KDM4C: variants seen among roughly 807,000 people sequenced by gnomAD.
KDM4C encodes lysine demethylase 4C, also known as lysine-specific demethylase 4C.
A neutral mutation model predicts 129.3 loss-of-function variants in KDM4C; 81 were observed. That is an observed-to-expected ratio of 0.63 (90% CI 0.52 to 0.75). KDM4C has a LOEUF of 0.75. Ranked by LOEUF, KDM4C falls within the 30% of genes least tolerant of loss-of-function variation. The probability of loss-of-function intolerance (pLI) is 0.00; values close to 1 mark genes in which losing one functional copy is unlikely to be tolerated. For synonymous variants in KDM4C, 573 were observed against 456.1 expected, an observed-to-expected ratio of 1.26 and a Z score of -3.26; for missense variants, 1,457 against 1,304.0, an observed-to-expected ratio of 1.12 and a Z score of -1.81.
intron 8 of KDM4C, among the ~76,000 whole-genome samples, chr9:6,946,369 T>C (rs952964287): frequency 6.6e-6 from 1 of 152,178 alleles, no homozygotes; most frequent in African/African-American, 2.4e-5. Flanking sequence ...CTACCTATTA[T>C]TGATCTCCTC....
chr9:7,108,915 A>G (rs1203522564), intron 18 of KDM4C, among the ~76,000 whole-genome samples: 8 of 152,214 alleles, frequency 5.3e-5, no homozygotes, highest in Admixed American at 5.2e-4. Flanking sequence ...AAAAAATAAG[A>G]ATCAGTACAC....
chr9:6,816,397 T>G (rs771909381), intron 4 of KDM4C, among the ~76,000 whole-genome samples: 4 of 152,144 alleles, frequency 2.6e-5, no homozygotes, highest in African/African-American at 4.8e-5. Flanking sequence ...TATTACCTAC[T>G]ATAGGCTCCC....
At chr9:7,139,836 G>C (rs1410152591) in intron 19 of KDM4C, among the ~76,000 whole-genome samples, 1 of 152,180 alleles carries the variant, frequency 6.6e-6, no homozygotes, top group Non-Finnish European at 1.5e-5. Context: ...AATTCTTGCT[G>C]CCTCAGAAGA....
chr9:6,745,291 T>C (rs1817837748), intron 1 of KDM4C, among the ~76,000 whole-genome samples: 1 of 152,064 alleles, frequency 6.6e-6, no homozygotes, highest in South Asian at 2.1e-4. Flanking sequence ...CAGTATTTGT[T>C]ATATTTTAAA....
chr9:6,783,230 C>T (rs967712826), intron 1 of KDM4C, among the ~76,000 whole-genome samples: 2 of 152,142 alleles, frequency 1.3e-5, no homozygotes, highest in African/African-American at 4.8e-5. Context: ...TTGTTCTTTC[C>T]TGCACTTGTA....
chr9:7,156,836 G>T (rs1262350208), intron 19 of KDM4C, among the ~76,000 whole-genome samples: 3 of 150,672 alleles, frequency 2.0e-5, no homozygotes, highest in Non-Finnish European at 4.5e-5. Context: ...GGCAATGTGG[G>T]TTCTTTTTTG....
chr9:6,973,743 C>T (rs909730979), intron 8 of KDM4C: 5 of 152,140 alleles, frequency 3.3e-5, no homozygotes, highest in African/African-American at 9.7e-5. Flanking sequence ...ATTTGTTAAT[C>T]AATCCTCATC....
chr9:7,055,201 T>G (rs567793638), intron 17 of KDM4C, among the ~76,000 whole-genome samples: 1 of 152,266 alleles, frequency 6.6e-6, no homozygotes, highest in South Asian at 2.1e-4. Context: ...CACAAAAAAT[T>G]TGGCATTGTT....
At chr9:6,736,388 G>A (rs536021406) in intron 1 of KDM4C, among the ~76,000 whole-genome samples, 1 of 152,140 alleles carries the variant, frequency 6.6e-6, no homozygotes, top group South Asian at 2.1e-4. Flanking sequence ...TCCCATCACA[G>A]GTCCAGAGGC....
chr9:7,149,360 C>G (rs944572587), intron 19 of KDM4C, among the ~76,000 whole-genome samples: 3 of 152,238 alleles, frequency 2.0e-5, no homozygotes, highest in Non-Finnish European at 2.9e-5. Flanking sequence ...GAAGCAGGCA[C>G]TTCCGAGCCT....
intron 1 of KDM4C, among the ~76,000 whole-genome samples, chr9:6,765,339 C>G (rs898401689): frequency 2.6e-5 from 4 of 152,132 alleles, no homozygotes; most frequent in African/African-American, 4.8e-5. Flanking sequence ...TTTCATACAT[C>G]TTTCTGATCT....
chr9:6,948,528 G>C (rs1348210368), intron 8 of KDM4C, among the ~76,000 whole-genome samples: 7 of 138,032 alleles, frequency 5.1e-5, no homozygotes, highest in Admixed American at 4.5e-4. Flanking sequence ...GGTGTTTCTC[G>C]CAGAGGGGGA....
intron 4 of KDM4C, among the ~76,000 whole-genome samples, chr9:6,824,269 T>A (rs1833518493): frequency 6.6e-6 from 1 of 152,222 alleles, no homozygotes; most frequent in Admixed American, 6.5e-5. Context: ...AGGTGTCATT[T>A]CTCATGTATT....
chr9:6,914,343 C>T (rs975343014), intron 8 of KDM4C, among the ~76,000 whole-genome samples: 6 of 152,112 alleles, frequency 3.9e-5, no homozygotes, highest in African/African-American at 7.2e-5. Context: ...ACAGGCTGGG[C>T]TTACAGGCAT....
chr9:7,076,206 C>G (rs933744934), intron 17 of KDM4C, among the ~76,000 whole-genome samples: 6 of 152,170 alleles, frequency 3.9e-5, no homozygotes, highest in African/African-American at 1.4e-4. Flanking sequence ...CCAAAATCTT[C>G]CTCTTGCGAT....
At chr9:6,992,083 G>A (rs983642164) in intron 12 of KDM4C, among the ~76,000 whole-genome samples, 12 of 151,502 alleles carry the variant, frequency 7.9e-5, no homozygotes, top group Non-Finnish European at 1.3e-4. Flanking sequence ...TAAGACATAT[G>A]ACAATTCTGT....
Position 6,990,486 on chromosome 9 carries a change from C to T in KDM4C, c.1748C>T (p.Pro583Leu), listed in dbSNP as rs755199278. The change falls in exon 12 of 22, where the codon CCG (proline) becomes CTG (leucine). Residue 583 changes from proline (P) to leucine (L), a missense_variant. By Grantham distance (98) the Pro-to-Leu change is moderately conservative. Coordinates refer to ENST00000381309, the MANE Select transcript of KDM4C (RefSeq NM_015061.6). ...CTTAGCAGGCCTCCAGCAAGATCTC[C>T]GATGACTCTTGTGAAGCAGCAGGCG... is the stretch of plus-strand genomic sequence containing the variant. ...HPLSRPPARS[P>L]MTLVKQQAPS... 2.3e-5 allele frequency: 37 copies of T among 1,612,862 alleles called. No homozygotes were observed. Among genetic ancestry groups the T allele is most frequent in the South Asian group, 3.3e-5 (3 of 91,010 alleles).
chr9:7,040,665 A>C (rs982654385), intron 15 of KDM4C, among the ~76,000 whole-genome samples: 8 of 151,642 alleles, frequency 5.3e-5, no homozygotes, highest in Admixed American at 3.3e-4. Context: ...TGGGAGGTAG[A>C]CTTTTAGGCT....
chr9:7,039,821 GC>G (rs2132456347), intron 15 of KDM4C, among the ~76,000 whole-genome samples: 1 of 152,098 alleles, frequency 6.6e-6, no homozygotes, highest in South Asian at 2.1e-4. Context: ...TGAGGGGTTG[GC>G]CCAGCTGACT....
Sources: gnomAD v4.1 joint callset for allele counts (sites outside exome capture counted in the v4.1 genomes callset) on GRCh38, gnomAD v4.1.1 for gene constraint, MANE v1.5 for transcripts, NCBI Gene and HGNC (gene_info 2026-07-23, HGNC 2026-07-21) for gene names.